Variants in GSX2 observed in about 807,000 individuals in gnomAD.
The protein encoded by GSX2 is GS homeobox 2.
A neutral mutation model predicts 19.2 loss-of-function variants in GSX2; 16 were observed. The ratio of observed to expected loss-of-function variants is 0.84; its 90% CI spans 0.57 to 1.27. The LOEUF (loss-of-function observed/expected upper bound fraction) is 1.27. Ranked by LOEUF, GSX2 falls within the 50% of genes most tolerant of loss-of-function variation. GSX2 has a pLI of 0.00. For synonymous variants in GSX2, 217 were observed against 196.4 expected, an observed-to-expected ratio of 1.10 and a Z score of -0.88; for missense variants, 448 against 428.4, an observed-to-expected ratio of 1.05 and a Z score of -0.40.
rs775617982 is a variant in GSX2, at chr4:54,101,547, C to G, written c.575-35C>G. On this transcript the variant is annotated intron_variant, in intron 1 of 1. Transcript: ENST00000326902. The surrounding 1 kb of genome is among the most constrained non-coding windows in gnomAD (Gnocchi z 5.0). Reference sequence around the variant, plus strand: ...ATGGGGTGGGAGCACCTTGCCCGAGCCTTACCTCTCTACCCTCTCTTCGCC... The same window carrying G: ...ATGGGGTGGGAGCACCTTGCCCGAGGCTTACCTCTCTACCCTCTCTTCGCC... The G allele has an allele frequency of 4.1e-5, 61 of 1,496,460 alleles. No individual in the cohort carries two copies. In the South Asian group the frequency reaches 4.8e-4, roughly 12 times the overall value. The allele number at this position is 1,496,460 out of a possible 1,614,324, so 92.7% of individuals were successfully genotyped here.
rs1403683479 is a variant in GSX2 at position 54,101,441 on chromosome 4, C to T, written c.575-141C>T. 6 of 617,528 alleles carry T rather than the reference C, an allele frequency of 9.7e-6. No homozygotes were observed. The highest frequency in any genetic ancestry group is 1.5e-5 in the Non-Finnish European group (5 of 344,214). 38.3% of individuals were successfully genotyped at this position (617,528 alleles called of 1,614,324 possible). A position where few individuals can be genotyped will look rare whatever the true frequency, so the allele number is the denominator to read the frequency against. On this transcript the variant is annotated intron_variant, in intron 1 of 1. Transcript: ENST00000326902. This position sits in a 1 kb window ranked among gnomAD's most constrained non-coding sequence, Gnocchi z 5.0. Reference sequence around the variant, plus strand: ...TCTTTTCTTCCCCGCTAAGCAACCACGTGCCTTGAAATGGGAAAGGGATAC... The same window carrying T: ...TCTTTTCTTCCCCGCTAAGCAACCATGTGCCTTGAAATGGGAAAGGGATAC...
rs1425608866 is a variant in GSX2 at position 54,101,622 on chromosome 4, G to A, written c.615G>A (p.Met205Ile). 1.2e-6 allele frequency: 2 copies of A among 1,614,140 alleles called. No individual in the cohort carries two copies. The highest frequency in any genetic ancestry group is 1.1e-5 in the South Asian group (1 of 91,068). Residue 205 changes from methionine (M) to isoleucine (I), a missense_variant, in exon 2 of 2, where the codon ATG becomes ATA. Met to Ile is a conservative substitution (Grantham distance 10). Transcript: ENST00000326902. The surrounding 1 kb of genome is among the most constrained non-coding windows in gnomAD (Gnocchi z 5.0). Reference protein sequence around the residue: ...DASQVPNGKRMRTAFTSTQLL... With the variant: ...DASQVPNGKRIRTAFTSTQLL... ...GCCAGGTACCCAATGGCAAGAGGATGAGGACGGCGTTCACTAGCACGCAAC... is the reference window on the plus strand; with the variant it reads ...GCCAGGTACCCAATGGCAAGAGGATAAGGACGGCGTTCACTAGCACGCAAC...
chr4:54,102,180 T>C lies in GSX2; in HGVS notation c.*258T>C. 1 of 461,054 alleles carries C rather than the reference T, an allele frequency of 2.2e-6. No individual in the cohort carries two copies. Among genetic ancestry groups the C allele is most frequent in the South Asian group, 3.3e-5 (1 of 30,002 alleles). 28.6% of individuals were successfully genotyped at this position (461,054 alleles called of 1,614,324 possible). On this transcript the variant is annotated 3_prime_UTR_variant, in exon 2 of 2. Transcript: ENST00000326902. The stretch of plus-strand genomic sequence containing the variant: ...CCTATAATTCAACTCATTCTTGTCG[T>C]ATAACAGAGGAAAAACAGGGTTGGT...
rs774297417 is a variant in GSX2 at position 54,101,902 on chromosome 4, A to G, written c.895A>G (p.Lys299Glu). 10 of 1,608,352 alleles carry G rather than the reference A, an allele frequency of 6.2e-6. No individual in the cohort carries two copies. The highest frequency in any genetic ancestry group is 8.5e-6 in the Non-Finnish European group (10 of 1,176,550). ...GTCGCCGGCCTCAGCCAACGATGAC[A>G]AGGAGATTTCCCCCTTATGAGGGAG... ...SLSPASANDD[K>E]EISPL Residue 299 changes from lysine (K) to glutamate (E), a missense_variant, in exon 2 of 2, where the codon AAG (lysine) becomes GAG (glutamate). Lys to Glu is a moderately conservative substitution (Grantham distance 56, BLOSUM62 1). Transcript: ENST00000326902. The surrounding 1 kb of genome is among the most constrained non-coding windows in gnomAD (Gnocchi z 5.0).
At chr4:54,100,969 A>G in intron 1 of GSX2, 51 bp downstream of exon 1, 2 of 1,486,698 alleles carry the variant, frequency 1.3e-6, no homozygotes, top group Non-Finnish European at 1.8e-6. Context: ...GCGCTCCTGG[A>G]GCAAACTTTC....
At position 54,100,246 on chromosome 4, in the gene GSX2, C is replaced by T; in HGVS notation, c.-99C>T. On this transcript the variant is annotated 5_prime_UTR_variant, in exon 1 of 2. Coordinates refer to ENST00000326902, the MANE Select transcript of GSX2 (RefSeq NM_133267.3). Reference sequence around the variant, plus strand: ...CACCTCTGCGTCCCCAAGGGCTTGACTGCCCGTGTCTGCGCGGCTCCCAGG... The same window carrying T: ...CACCTCTGCGTCCCCAAGGGCTTGATTGCCCGTGTCTGCGCGGCTCCCAGG... 2 of 1,530,338 alleles carry T rather than the reference C, an allele frequency of 1.3e-6. No individual in the cohort carries two copies. The highest frequency in any genetic ancestry group is 1.8e-6 in the Non-Finnish European group (2 of 1,139,780). 94.8% of individuals were successfully genotyped at this position (1,530,338 alleles called of 1,614,324 possible). A position where few individuals can be genotyped will look rare whatever the true frequency, so the allele number is the denominator to read the frequency against.
rs747676898 is a variant in GSX2, at chr4:54,100,768, C to A, written c.424C>A (p.Gln142Lys). The A allele has an allele frequency of 1.3e-6, 2 of 1,507,834 alleles. No homozygotes were observed. Among genetic ancestry groups the A allele is most frequent in the Non-Finnish European group, 1.8e-6 (2 of 1,132,202 alleles). The allele number at this position is 1,507,834 out of a possible 1,614,324, so 93.4% of individuals were successfully genotyped here. ...PQHHHHHHQP[Q>K]QPGSAAAAAA... Reference sequence around the variant, plus strand: ...GCACCACCATCACCATCATCAGCCCCAGCAGCCTGGCTCGGCCGCGGCGGC... The same window carrying A: ...GCACCACCATCACCATCATCAGCCCAAGCAGCCTGGCTCGGCCGCGGCGGC... The change falls in exon 1 of 2, where the codon CAG becomes AAG. Residue 142 changes from glutamine to lysine, a missense_variant. Physicochemically the swap from Gln to Lys is moderately conservative, Grantham distance 53 (BLOSUM62 1). Transcript: ENST00000326902.
In GSX2 at chr4:54,100,736, C is replaced by A. The variant is rs779851092; in HGVS notation, c.392C>A (p.Pro131Gln). The change falls in exon 1 of 2, where the codon CCG becomes CAG. Residue 131 changes from proline (P) to glutamine (Q), a missense_variant. By Grantham distance (76) the Pro-to-Gln change is moderately conservative. Coordinates refer to ENST00000326902, the MANE Select transcript of GSX2 (RefSeq NM_133267.3). ...AACCATGCGCATCATCACCACCACC[C>A]GCCGCAGCACCACCATCACCATCAT... The part of the protein sequence containing the change: ...RVNHAHHHHH[P>Q]PQHHHHHHQP... 6.5e-7 allele frequency: 1 copy of A among 1,547,526 alleles called. No individual in the cohort carries two copies. The highest frequency in any genetic ancestry group is 8.7e-7 in the Non-Finnish European group (1 of 1,145,408).
In GSX2 at chr4:54,101,442, G is replaced by A. The variant is rs1336877490; in HGVS notation, c.575-140G>A. 5 of 616,754 alleles carry A rather than the reference G, an allele frequency of 8.1e-6. No homozygotes were observed. In the Admixed American group the frequency reaches 1.2e-4, roughly 15 times the overall value. 38.2% of individuals were successfully genotyped at this position (616,754 alleles called of 1,614,324 possible). A position where few individuals can be genotyped will look rare whatever the true frequency, so the allele number is the denominator to read the frequency against. On this transcript the variant is annotated intron_variant, in intron 1 of 1. Transcript: ENST00000326902. This position sits in a 1 kb window ranked among gnomAD's most constrained non-coding sequence, Gnocchi z 5.0. ...CTTTTCTTCCCCGCTAAGCAACCAC[G>A]TGCCTTGAAATGGGAAAGGGATACA...
Position 54,101,193 on chromosome 4 carries a change from G to A in GSX2, c.574+275G>A, listed in dbSNP as rs1484717015. Among the ~76,000 whole-genome samples, 3 of 152,174 alleles carry A rather than the reference G, an allele frequency of 2.0e-5. No individual in the cohort carries two copies. Among genetic ancestry groups the A allele is most frequent in the African/African-American group, 2.4e-5 (1 of 41,436 alleles). ...CTTAGGGACCTCGAACGTCACGGCG[G>A]ATAAACCAGAGGTTAACTGCTTGGG... is the stretch of plus-strand genomic sequence containing the variant. On this transcript the variant is annotated intron_variant, in intron 1 of 1. Transcript: ENST00000326902. This position sits in a 1 kb window ranked among gnomAD's most constrained non-coding sequence, Gnocchi z 5.0.
rs779851092 is a variant in GSX2, at chr4:54,100,736, C to T, written c.392C>T (p.Pro131Leu). ...AACCATGCGCATCATCACCACCACC[C>T]GCCGCAGCACCACCATCACCATCAT... ...RVNHAHHHHH[P>L]PQHHHHHHQP... Residue 131 changes from proline to leucine, a missense_variant, in exon 1 of 2, where the codon CCG (proline) becomes CTG (leucine). Pro to Leu is a moderately conservative substitution (Grantham distance 98). Transcript: ENST00000326902. 2 of 1,547,416 alleles carry T rather than the reference C, an allele frequency of 1.3e-6. No individual in the cohort carries two copies. Among genetic ancestry groups the T allele is most frequent in the East Asian group, 2.5e-5 (1 of 40,538 alleles).
rs1424110261 is a variant in GSX2, at chr4:54,100,341, C to G, written c.-4C>G. ...GGGGCTTCCAGCCACCCACCCCTCT[C>G]GACATGTCGCGCTCCTTCTATGTCG... On this transcript the variant is annotated 5_prime_UTR_variant, in exon 1 of 2. Transcript: ENST00000326902. 3 of 1,612,808 alleles carry G rather than the reference C, an allele frequency of 1.9e-6. No individual in the cohort carries two copies. Among genetic ancestry groups the G allele is most frequent in the Admixed American group, 1.7e-5 (1 of 59,980 alleles).
In GSX2 at chr4:54,101,578, G is replaced by T. The variant is rs199879196; in HGVS notation, c.575-4G>T. The T allele has an allele frequency of 1.2e-6, 2 of 1,605,366 alleles. No individual in the cohort carries two copies. The highest frequency in any genetic ancestry group is 1.1e-5 in the South Asian group (1 of 89,884). On this transcript the variant is annotated splice_region_variant and splice_polypyrimidine_tract_variant and intron_variant, in intron 1 of 1. Transcript: ENST00000326902. This position sits in a 1 kb window ranked among gnomAD's most constrained non-coding sequence, Gnocchi z 5.0. ...CTCTCTACCCTCTCTTCGCCGGTCC[G>T]CAGGAGGCTCTGACGCCAGCCAGGT...
At position 54,100,776 on chromosome 4, in the gene GSX2, TG is replaced by T. The variant is rs1718157040; in HGVS notation, c.434del (p.Gly145AlafsTer61). 6.8e-7 allele frequency: 1 copy of T among 1,479,524 alleles called. No individual in the cohort carries two copies. The highest frequency in any genetic ancestry group is 2.9e-5 in the Admixed American group (1 of 34,564). The allele number at this position is 1,479,524 out of a possible 1,614,324, so 91.6% of individuals were successfully genotyped here. A position where few individuals can be genotyped will look rare whatever the true frequency, so the allele number is the denominator to read the frequency against. On this transcript the variant is annotated frameshift_variant, in exon 1 of 2. Coordinates refer to ENST00000326902, the MANE Select transcript of GSX2 (RefSeq NM_133267.3). LOFTEE classifies it high-confidence loss of function. ...ATCACCATCATCAGCCCCAGCAGCC[TG>T]GCTCGGCCGCGGCGGCGGCAGCAGC... ...HHHHHQPQQP[G>X]SAAAAAAAAA...
In GSX2 at chr4:54,101,730, G is replaced by T; in HGVS notation, c.723G>T (p.Leu241=). 1.2e-6 allele frequency: 2 copies of T among 1,614,202 alleles called. No homozygotes were observed. The highest frequency in any genetic ancestry group is 1.3e-5 in the African/African-American group (1 of 75,048). Residue 241 remains leucine (L), a synonymous_variant, in exon 2 of 2, where the codon CTG becomes CTT. Transcript: ENST00000326902. The surrounding 1 kb of genome is among the most constrained non-coding windows in gnomAD (Gnocchi z 5.0). ...RRIEIATYLN[L]SEKQVKIWFQ... is the part of the protein sequence containing the mutation. ...TTGAAATCGCCACTTACCTGAACCT[G>T]TCGGAGAAGCAGGTGAAAATCTGGT...
Position 54,101,886 on chromosome 4 carries a change from C to A in GSX2, c.879C>A (p.Ala293=). ...RSEDEDSLSP[A]SANDDKEISP... ...AGGATGAGGACTCCCTGTCGCCGGC[C>A]TCAGCCAACGATGACAAGGAGATTT... Residue 293 remains alanine (A), a synonymous_variant, in exon 2 of 2, where the codon GCC becomes GCA. Transcript: ENST00000326902. This position sits in a 1 kb window ranked among gnomAD's most constrained non-coding sequence, Gnocchi z 5.0. 6.2e-7 allele frequency: 1 copy of A among 1,612,000 alleles called. No homozygotes were observed.
Position 54,100,315 on chromosome 4 carries a change from C to T in GSX2, c.-30C>T. 1 of 1,609,590 alleles carries T rather than the reference C, an allele frequency of 6.2e-7. No individual in the cohort carries two copies. The highest frequency in any genetic ancestry group is 8.5e-7 in the Non-Finnish European group (1 of 1,179,338). Reference sequence around the variant, plus strand: ...GAGGAGAGGGGTCGCCGCGAACTGCCGGGGCTTCCAGCCACCCACCCCTCT... The same window carrying T: ...GAGGAGAGGGGTCGCCGCGAACTGCTGGGGCTTCCAGCCACCCACCCCTCT... On this transcript the variant is annotated 5_prime_UTR_variant, in exon 1 of 2. Transcript: ENST00000326902.
rs1718163914 is a variant in GSX2 at position 54,101,010 on chromosome 4, G to A, written c.574+92G>A. Reference sequence around the variant, plus strand: ...CCAGTGGAGGAAGTGGGAGCCCGGGGACAGGGTGAAGAGAGAGGACGGGCT... The same window carrying A: ...CCAGTGGAGGAAGTGGGAGCCCGGGAACAGGGTGAAGAGAGAGGACGGGCT... On this transcript the variant is annotated intron_variant, in intron 1 of 1. Coordinates refer to ENST00000326902, the MANE Select transcript of GSX2 (RefSeq NM_133267.3). This position sits in a 1 kb window ranked among gnomAD's most constrained non-coding sequence, Gnocchi z 5.0. The A allele has an allele frequency of 6.2e-6, 7 of 1,134,420 alleles. No individual in the cohort carries two copies. The highest frequency in any genetic ancestry group is 7.3e-6 in the Non-Finnish European group (6 of 820,116). The allele number at this position is 1,134,420 out of a possible 1,614,324, so 70.3% of individuals were successfully genotyped here.
intron 1 of GSX2, 80 bp downstream of exon 1, chr4:54,100,998 T>A (rs1049003862): frequency 6.4e-6 from 8 of 1,255,362 alleles, no homozygotes; most frequent in Admixed American, 2.4e-5. Flanking sequence ...GTGGAGGAAG[T>A]GGGAGCCCGG....
Sources: gnomAD v4.1 joint callset for allele counts (sites outside exome capture counted in the v4.1 genomes callset) on GRCh38, gnomAD v4.1.1 for gene constraint, Gnocchi (gnomAD v3.1) non-coding constraint, MANE v1.5 for transcripts, NCBI Gene and HGNC (gene_info 2026-07-23, HGNC 2026-07-21) for gene names.